Variants in LMX1B observed in about 807,000 individuals in gnomAD.
LMX1B encodes LIM homeobox transcription factor 1 beta.
A neutral mutation model predicts 51.4 loss-of-function variants in LMX1B; 12 were observed. The ratio of observed to expected loss-of-function variants is 0.23; its 90% CI spans 0.15 to 0.38. The LOEUF is 0.38. Ranked by LOEUF, LMX1B falls within the 10% of genes least tolerant of loss-of-function variation. The pLI, the probability that LMX1B is intolerant of heterozygous loss-of-function variation, is 1.00. For missense variants in LMX1B, 445 were observed against 571.1 expected, an observed-to-expected ratio of 0.78 and a Z score of 2.25; for synonymous variants, 237 against 235.4, an observed-to-expected ratio of 1.01 and a Z score of -0.06.
At chr9:126,684,180 T>C (rs111763028) in intron 2 of LMX1B, among the ~76,000 whole-genome samples, 5,418 of 152,174 alleles carry the variant, frequency 0.036, 261 homozygotes, top group African/African-American at 0.11. Context: ...TGGTTGCTGC[T>C]GGGACCGTGG....
At chr9:126,682,894 G>GAAAAAAAAAAAA (rs577172677) in intron 2 of LMX1B, among the ~76,000 whole-genome samples, 4 of 86,122 alleles carry the variant, frequency 4.6e-5, no homozygotes, top group Non-Finnish European at 4.5e-5. Context: ...CACTCTGTCT[G>GAAAAAAAAAAAA]AAAAAAAAAA....
rs375727748 is a variant in LMX1B, at chr9:126,644,591, G to A, written c.326+29022G>A. ...AGCCCCATGGCCCCCTGCATTGTGGGATTATAGAGTGAAATGCTCAGAGTG... is the reference window on the plus strand; with the variant it reads ...AGCCCCATGGCCCCCTGCATTGTGGAATTATAGAGTGAAATGCTCAGAGTG... On this transcript the variant is annotated intron_variant, in intron 2 of 7. Coordinates refer to ENST00000373474, the MANE Select transcript of LMX1B (RefSeq NM_001174147.2). Among the ~76,000 whole-genome samples, 38 of 152,288 alleles carry A rather than the reference G, an allele frequency of 2.5e-4. No individual in the cohort carries two copies. The East Asian group carries it at 6.8e-3, about 27-fold the overall frequency.
chr9:126,686,668 A>G (rs2029897504), intron 2 of LMX1B, among the ~76,000 whole-genome samples: 2 of 152,110 alleles, frequency 1.3e-5, no homozygotes, highest in Admixed American at 1.3e-4. Context: ...CCCAGGGCCC[A>G]GGGTAAGGGC....
At chr9:126,653,014 G>T (rs1197882530) in intron 2 of LMX1B, among the ~76,000 whole-genome samples, 3 of 152,160 alleles carry the variant, frequency 2.0e-5, no homozygotes, top group African/African-American at 7.2e-5. Flanking sequence ...GCCCAGGGTT[G>T]CCTGAAGATA....
At chr9:126,642,495 C>T (rs1025928168) in intron 2 of LMX1B, among the ~76,000 whole-genome samples, 16 of 152,202 alleles carry the variant, frequency 1.1e-4, no homozygotes, top group Non-Finnish European at 1.8e-4. Flanking sequence ...TTCTCTTCAC[C>T]GGGCAAACTC....
At chr9:126,672,823 G>A (rs1836483754) in intron 2 of LMX1B, among the ~76,000 whole-genome samples, 1 of 152,250 alleles carries the variant, frequency 6.6e-6, no homozygotes, top group Non-Finnish European at 1.5e-5. Flanking sequence ...GCGGAGCCTG[G>A]CAGGAGCTTC....
chr9:126,647,318 C>T (rs1157254010), intron 2 of LMX1B, among the ~76,000 whole-genome samples: 1 of 152,150 alleles, frequency 6.6e-6, no homozygotes, highest in East Asian at 1.9e-4. Flanking sequence ...AGATAAACTC[C>T]CTTAGAAGGT....
chr9:126,673,214 G>A lies in LMX1B; in HGVS notation c.327-17622G>A, dbSNP rs1836491400. Among the ~76,000 whole-genome samples the A allele has an allele frequency of 6.6e-6, 1 of 152,168 alleles. No individual in the cohort carries two copies. Reference sequence around the variant, plus strand: ...GGCTCACAGCAGGTATCCATGCTGGGGTCTGGGGGAGCCCCAGACACCACA... The same window carrying A: ...GGCTCACAGCAGGTATCCATGCTGGAGTCTGGGGGAGCCCCAGACACCACA... On this transcript the variant is annotated intron_variant, in intron 2 of 7. Coordinates refer to ENST00000373474, the MANE Select transcript of LMX1B (RefSeq NM_001174147.2). The surrounding 1 kb of genome is among the most constrained non-coding windows in gnomAD (Gnocchi z 4.4).
chr9:126,660,214 G>T (rs543142746), intron 2 of LMX1B, among the ~76,000 whole-genome samples: 1 of 151,158 alleles, frequency 6.6e-6, no homozygotes, highest in Admixed American at 6.6e-5. Context: ...CTGTGTGGGG[G>T]TGTCTACACT....
chr9:126,665,160 C>A (rs117999915), intron 2 of LMX1B, among the ~76,000 whole-genome samples: 433 of 152,354 alleles, frequency 2.8e-3, no homozygotes, highest in Non-Finnish European at 3.2e-3. Flanking sequence ...TTCCTCCATG[C>A]CTTCGCGCCT....
intron 2 of LMX1B, among the ~76,000 whole-genome samples, chr9:126,621,795 G>C (rs894077255): frequency 1.1e-4 from 17 of 151,802 alleles, no homozygotes; most frequent in African/African-American, 3.6e-4. Flanking sequence ...TGTAATTTTG[G>C]GGGGAAGGTG....
chr9:126,667,557 G>T (rs765967989), intron 2 of LMX1B, among the ~76,000 whole-genome samples: 18 of 152,264 alleles, frequency 1.2e-4, no homozygotes, highest in Non-Finnish European at 1.3e-4. Context: ...CAGTAAAGGG[G>T]TCTGGATCCC....
intron 2 of LMX1B, among the ~76,000 whole-genome samples, chr9:126,667,390 G>A (rs112877835): frequency 7.6e-4 from 116 of 152,360 alleles, no homozygotes; most frequent in African/African-American, 2.6e-3. Flanking sequence ...AGCCCTTTGG[G>A]CAGCTGCCAG....
At chr9:126,696,201 C>T (rs2030325494) in intron 7 of LMX1B, 93 bp from the exon 8 acceptor site, 5 of 1,332,308 alleles carry the variant, frequency 3.8e-6, no homozygotes, top group Non-Finnish European at 5.4e-6. Context: ...CCTGTCTCTC[C>T]CTGGCCTCCA....
intron 2 of LMX1B, among the ~76,000 whole-genome samples, chr9:126,678,302 T>A (rs1458481708): frequency 1.4e-5 from 2 of 146,730 alleles, no homozygotes; most frequent in African/African-American, 5.2e-5. Context: ...AGAGCGAGAC[T>A]TCGTCTCAAA....
chr9:126,635,947 C>T (rs2118870043), intron 2 of LMX1B, among the ~76,000 whole-genome samples: 1 of 152,286 alleles, frequency 6.6e-6, no homozygotes, highest in African/African-American at 2.4e-5. Context: ...GAGAGGCGTC[C>T]CACTCCCATG....
Position 126,696,011 on chromosome 9 carries a change from G to A in LMX1B, c.1051+8G>A, listed in dbSNP as rs778917175. On this transcript the variant is annotated splice_region_variant and intron_variant, in intron 7 of 7. Transcript: ENST00000373474. ...ACCACATGAACCCCTATGGTAAGCC[G>A]CCCTACCCCCACCCGCCCGCCCCAG... 1.2e-4 allele frequency: 182 copies of A among 1,579,856 alleles called. No individual in the cohort carries two copies. The highest frequency in any genetic ancestry group is 1.5e-4 in the Non-Finnish European group (178 of 1,165,246).
At chr9:126,693,928 G>T in intron 6 of LMX1B, 116 bp downstream of exon 6, 2 of 634,886 alleles carry the variant, frequency 3.2e-6, no homozygotes, top group East Asian at 2.7e-5. Flanking sequence ...CTGGGCCAGG[G>T]CTGGGACCGG....
chr9:126,630,804 G>C (rs1564148999), intron 2 of LMX1B, among the ~76,000 whole-genome samples: 1 of 152,278 alleles, frequency 6.6e-6, no homozygotes, highest in Non-Finnish European at 1.5e-5. Context: ...CTGCCCTCCT[G>C]CCCAGGATAG....
Sources: allele counts gnomAD v4.1 joint callset (sites outside exome capture counted in the v4.1 genomes callset), GRCh38; gene constraint gnomAD v4.1.1; non-coding constraint Gnocchi (gnomAD v3.1); transcripts MANE v1.5; gene names NCBI Gene and HGNC (gene_info 2026-07-23, HGNC 2026-07-21).